NCKAP5: variants seen among roughly 807,000 people sequenced by gnomAD.
NCKAP5 encodes the protein nck-associated protein 5.
Under a neutral mutation model 167.0 loss-of-function variants are expected in NCKAP5, and 92 were observed. The observed-to-expected ratio is 0.55, with a 90% confidence interval of 0.47 to 0.66. NCKAP5 has a LOEUF of 0.66. Ranked by LOEUF, NCKAP5 falls within the 30% of genes least tolerant of loss-of-function variation. The pLI, the probability that NCKAP5 is intolerant of heterozygous loss-of-function variation, is 0.00. For synonymous variants in NCKAP5, 891 were observed against 877.4 expected (o/e 1.02, Z -0.27); for missense variants, 2,378 against 2,315.0 (o/e 1.03, Z -0.56).
chr2:133,091,323 C>T lies in NCKAP5; in HGVS notation c.341+38655G>A, dbSNP rs116562617. On this transcript the variant is annotated intron_variant, in intron 6 of 19. Coordinates refer to ENST00000409261, the MANE Select transcript of NCKAP5 (RefSeq NM_207363.3). ...TTCCCCATGGAAACCTTTCCTGTCCCTCTCCAGCTAAGTGAGATTCCACCA... is the reference window on the plus strand; with the variant it reads ...TTCCCCATGGAAACCTTTCCTGTCCTTCTCCAGCTAAGTGAGATTCCACCA... Among the ~76,000 whole-genome samples the T allele has an allele frequency of 4.2e-3, 638 of 152,308 alleles. 11 individuals are homozygous for T. Among genetic ancestry groups the T allele is most frequent in the African/African-American group, 0.015 (622 of 41,552 alleles).
At chr2:133,525,062 T>A (rs1417546846) in intron 2 of NCKAP5, among the ~76,000 whole-genome samples, 1 of 152,100 alleles carries the variant, frequency 6.6e-6, no homozygotes, top group Non-Finnish European at 1.5e-5. Flanking sequence ...TGAATATGAG[T>A]ATAAAAACAT....
intron 8 of NCKAP5, among the ~76,000 whole-genome samples, chr2:132,935,094 A>G (rs557435729): frequency 3.9e-5 from 6 of 152,300 alleles, no homozygotes; most frequent in African/African-American, 1.4e-4. Flanking sequence ...CCATGAAGGT[A>G]TCTGGGAAGT....
intron 3 of NCKAP5, among the ~76,000 whole-genome samples, chr2:133,320,857 T>A (rs1681999530): frequency 6.6e-6 from 1 of 152,264 alleles, no homozygotes; most frequent in East Asian, 1.9e-4. Flanking sequence ...GCTGGAGAAG[T>A]CCTGAGCAAA....
intron 3 of NCKAP5, among the ~76,000 whole-genome samples, chr2:133,347,463 A>C (rs112869372): frequency 6.6e-6 from 1 of 152,040 alleles, no homozygotes; most frequent in Non-Finnish European, 1.5e-5. Context: ...TGAGGCAGGA[A>C]AATTGCTTGA....
chr2:133,034,030 A>C (rs1480274813), intron 6 of NCKAP5, among the ~76,000 whole-genome samples: 1 of 152,160 alleles, frequency 6.6e-6, no homozygotes, highest in Non-Finnish European at 1.5e-5. Flanking sequence ...ATAGAATACC[A>C]AGCAGATTTA....
the NCKAP5 span, among the ~76,000 whole-genome samples, chr2:133,649,010 A>C: frequency 6.6e-6 from 1 of 151,978 alleles, no homozygotes; most frequent in African/African-American, 2.4e-5. Flanking sequence ...TACACTAAGA[A>C]AAAGAGAAAG....
chr2:133,185,794 TTTTTACACTAATTTTGTACCCTGAA>T (rs942745757), intron 5 of NCKAP5, among the ~76,000 whole-genome samples: 3 of 152,082 alleles, frequency 2.0e-5, no homozygotes, highest in African/African-American at 4.8e-5. Context: ...TGCCAGCAAT[TTTTTACACTAATTTTGTACCCTGAA>T]ACTCTATTGA....
At chr2:133,558,314 G>A (rs548099756) in intron 2 of NCKAP5, 2 of 152,352 alleles carry the variant, frequency 1.3e-5, no homozygotes, top group East Asian at 3.9e-4. Flanking sequence ...GAGAGGAGGA[G>A]GAGGACGAGC....
chr2:132,984,368 C>A (rs140637997), intron 7 of NCKAP5, among the ~76,000 whole-genome samples: 1 of 152,158 alleles, frequency 6.6e-6, no homozygotes, highest in Admixed American at 6.5e-5. Flanking sequence ...AGATGGCCAC[C>A]TTTCTAGACC....
At chr2:132,999,067 G>A (rs1395075903) in intron 6 of NCKAP5, among the ~76,000 whole-genome samples, 1 of 152,040 alleles carries the variant, frequency 6.6e-6, no homozygotes, top group Non-Finnish European at 1.5e-5. Flanking sequence ...TACATCAAGT[G>A]AACTATTTTT....
intron 3 of NCKAP5, among the ~76,000 whole-genome samples, chr2:133,375,285 C>T (rs1686066824): frequency 6.6e-6 from 1 of 152,110 alleles, no homozygotes; most frequent in African/African-American, 2.4e-5. Flanking sequence ...TGGTATTCTT[C>T]TAGGGTGTTA....
intron 19 of NCKAP5, among the ~76,000 whole-genome samples, chr2:132,694,477 T>C (rs1429761214): frequency 1.3e-5 from 2 of 152,042 alleles, no homozygotes; most frequent in Non-Finnish European, 2.9e-5. Context: ...CCAAAACTTT[T>C]AGTCCCAAGG....
At chr2:132,724,634 G>A (rs944482062) in intron 19 of NCKAP5, among the ~76,000 whole-genome samples, 1 of 152,194 alleles carries the variant, frequency 6.6e-6, no homozygotes, top group Admixed American at 6.5e-5. Flanking sequence ...GAACCACAAA[G>A]AGCCAACAGG....
intron 6 of NCKAP5, among the ~76,000 whole-genome samples, chr2:133,047,378 T>C (rs2079439347): frequency 6.6e-6 from 1 of 152,228 alleles, no homozygotes; most frequent in African/African-American, 2.4e-5. Context: ...GTCATTAACG[T>C]TGCCAAGACT....
intron 3 of NCKAP5, among the ~76,000 whole-genome samples, chr2:133,382,124 T>C (rs549450421): frequency 1.3e-5 from 2 of 152,238 alleles, no homozygotes; most frequent in Admixed American, 6.5e-5. Context: ...CACACAGTTA[T>C]GCAGGGCTGA....
chr2:133,237,307 C>A (rs965983531), intron 4 of NCKAP5, among the ~76,000 whole-genome samples: 7 of 152,094 alleles, frequency 4.6e-5, no homozygotes, highest in African/African-American at 7.2e-5. Context: ...CCACTTTAAT[C>A]CAGATCTCCT....
chr2:132,780,682 C>T (rs1177532250), intron 15 of NCKAP5, among the ~76,000 whole-genome samples: 1 of 152,138 alleles, frequency 6.6e-6, no homozygotes, highest in Non-Finnish European at 1.5e-5. Flanking sequence ...AAATCATGTT[C>T]ATTCCTTTTT....
chr2:132,865,642 C>T (rs1407903846), intron 10 of NCKAP5, among the ~76,000 whole-genome samples: 2 of 152,060 alleles, frequency 1.3e-5, no homozygotes, highest in African/African-American at 4.8e-5. Flanking sequence ...TTCAATCCTT[C>T]TTTTGATTTT....
Position 132,945,885 on chromosome 2 carries a change from C to T in NCKAP5, c.579+17835G>A, listed in dbSNP as rs1337271077. On this transcript the variant is annotated intron_variant, in intron 8 of 19. Transcript: ENST00000409261. Reference sequence around the variant, plus strand: ...ATTCAAACTCTTTACTCATTTCTACCATGCTGCCTCAGTATTACGAAAATG... The same window carrying T: ...ATTCAAACTCTTTACTCATTTCTACTATGCTGCCTCAGTATTACGAAAATG... Among the ~76,000 whole-genome samples the T allele has an allele frequency of 3.3e-5, 5 of 152,272 alleles. No homozygotes were observed. In the Middle Eastern group the frequency reaches 0.014, roughly 414 times the overall value.
Sources: allele counts gnomAD v4.1 joint callset (sites outside exome capture counted in the v4.1 genomes callset), GRCh38; gene constraint gnomAD v4.1.1; transcripts MANE v1.5; gene names NCBI Gene and HGNC (gene_info 2026-07-23, HGNC 2026-07-21).